DPYSL5: variants seen among roughly 807,000 people sequenced by gnomAD.
The protein encoded by DPYSL5 is dihydropyrimidinase like 5.
In DPYSL5, 9 loss-of-function variants were observed where a neutral mutation model predicts 58.4. That is an observed-to-expected ratio of 0.15 (90% CI 0.09 to 0.27). The LOEUF (loss-of-function observed/expected upper bound fraction) is 0.27, where lower values mean the gene tolerates loss of function less well. Ranked by LOEUF, DPYSL5 falls within the 10% of genes least tolerant of loss-of-function variation. The pLI is 1.00. For synonymous variants in DPYSL5, 293 were observed against 301.9 expected (o/e 0.97, Z 0.31); for missense variants, 499 against 770.6 (o/e 0.65, Z 4.17).
At chr2:26,867,051 CTT>C (rs1306926562) in intron 1 of DPYSL5, among the ~76,000 whole-genome samples, 2 of 152,012 alleles carry the variant, frequency 1.3e-5, no homozygotes, top group South Asian at 2.1e-4. Context: ...TAATGAGACT[CTT>C]TGTCTCATCA....
chr2:26,881,901 C>A (rs1248916070), intron 1 of DPYSL5, among the ~76,000 whole-genome samples: 1 of 151,914 alleles, frequency 6.6e-6, no homozygotes, highest in Admixed American at 6.6e-5. Flanking sequence ...ACCATCCTGG[C>A]TAACACGGTG....
chr2:26,928,658 T>A, intron 5 of DPYSL5, among the ~76,000 whole-genome samples: 1 of 143,512 alleles, frequency 7.0e-6, no homozygotes, highest in Non-Finnish European at 1.5e-5. Context: ...GCCGTGATGA[T>A]GCCACTGCAA....
chr2:26,927,135 C>G lies in DPYSL5; in HGVS notation c.421-118C>G. 1 of 1,082,484 alleles carries G rather than the reference C, an allele frequency of 9.2e-7. No homozygotes were observed. The highest frequency in any genetic ancestry group is 1.3e-6 in the Non-Finnish European group (1 of 764,696). 67.1% of individuals were successfully genotyped at this position (1,082,484 alleles called of 1,614,324 possible). Reference sequence around the variant, plus strand: ...AGTGAGATAGAGAGGTGTGGGGGGTCAACCGACAGACTGAGCTGGGGCAGG... The same window carrying G: ...AGTGAGATAGAGAGGTGTGGGGGGTGAACCGACAGACTGAGCTGGGGCAGG... On this transcript the variant is annotated intron_variant, in intron 3 of 12. Transcript: ENST00000288699. The surrounding 1 kb of genome is among the most constrained non-coding windows in gnomAD (Gnocchi z 4.3).
intron 2 of DPYSL5, among the ~76,000 whole-genome samples, chr2:26,923,519 C>T (rs535338631): frequency 6.6e-6 from 1 of 152,230 alleles, no homozygotes; most frequent in South Asian, 2.1e-4. Flanking sequence ...TTATTCCAAC[C>T]ATGAGGGAGC....
intron 1 of DPYSL5, among the ~76,000 whole-genome samples, chr2:26,852,625 A>G (rs72804803): frequency 5.3e-5 from 8 of 152,310 alleles, no homozygotes; most frequent in Non-Finnish European, 8.8e-5. Context: ...ATCCAGGCTC[A>G]GCGGTAGCGT....
At chr2:26,946,414 G>GTT (rs113861325) in intron 12 of DPYSL5, among the ~76,000 whole-genome samples, 1 of 145,844 alleles carries the variant, frequency 6.9e-6, no homozygotes, top group Admixed American at 6.9e-5. Context: ...GTTTGTTTTT[G>GTT]TTTTTTTTTT....
At position 26,927,423 on chromosome 2, in the gene DPYSL5, T is replaced by G. The variant is rs1664856376; in HGVS notation, c.591T>G (p.Leu197=). The G allele has an allele frequency of 4.3e-6, 7 of 1,613,748 alleles. No homozygotes were observed. The highest frequency in any genetic ancestry group is 5.1e-6 in the Non-Finnish European group (6 of 1,179,876). ...IARVHAENGE[L]VAEGAKEALD... ...GCGTCCATGCTGAAAATGGGGAGCT[T>G]GTGGCCGAGGCAAGTCTGCAGCCAA... The change falls in exon 4 of 13, where the codon CTT becomes CTG. Residue 197 remains leucine, a synonymous_variant. Transcript: ENST00000288699. The surrounding 1 kb of genome is among the most constrained non-coding windows in gnomAD (Gnocchi z 4.3).
Position 26,946,932 on chromosome 2 carries a change from T to C in DPYSL5, c.1632T>C (p.Val544=), listed in dbSNP as rs923259885. Residue 544 remains valine, a synonymous_variant, in exon 13 of 13, where the codon GTT becomes GTC. Coordinates refer to ENST00000288699, the MANE Select transcript of DPYSL5 (RefSeq NM_020134.4). ...SLSGSQIDDH[V]PKRASARILA... is the part of the protein sequence containing the mutation. ...CAGGCTCTCAGATCGATGACCATGT[T>C]CCAAAGCGAGCTTCAGCTCGGATCC... 1.2e-6 allele frequency: 2 copies of C among 1,614,138 alleles called. No homozygotes were observed. The highest frequency in any genetic ancestry group is 1.7e-6 in the Non-Finnish European group (2 of 1,179,960).
chr2:26,898,778 C>A lies in DPYSL5; in HGVS notation c.261+18C>A. On this transcript the variant is annotated intron_variant, in intron 2 of 12. Transcript: ENST00000288699. This position sits in a 1 kb window ranked among gnomAD's most constrained non-coding sequence, Gnocchi z 6.1. ...GGACCAAGGTAATGCTCCTGTTTGC[C>A]AAAGGTGGCTTCCTCTTTGGCTTTT... is the stretch of plus-strand genomic sequence containing the variant. The A allele has an allele frequency of 6.3e-7, 1 of 1,588,686 alleles. No homozygotes were observed. The highest frequency in any genetic ancestry group is 1.1e-5 in the South Asian group (1 of 87,900).
intron 2 of DPYSL5, among the ~76,000 whole-genome samples, chr2:26,914,744 T>C (rs913429824): frequency 6.6e-6 from 1 of 152,100 alleles, no homozygotes; most frequent in African/African-American, 2.4e-5. Flanking sequence ...AATCAGGGCT[T>C]CCTGAACAGA....
rs187800495 is a variant in DPYSL5 at position 26,876,661 on chromosome 2, G to A, written c.-4-21835G>A. 2.4e-3 allele frequency among the ~76,000 whole-genome samples: 372 copies of A among 152,034 alleles called. 3 individuals are homozygous for A. The highest frequency in any genetic ancestry group is 8.6e-3 in the African/African-American group (357 of 41,470). ...CTCCCGAGTACCTGGGAGTACAGGT[G>A]CCTGCCACCACGCCTGGCTAACTTT... On this transcript the variant is annotated intron_variant, in intron 1 of 12. Coordinates refer to ENST00000288699, the MANE Select transcript of DPYSL5 (RefSeq NM_020134.4).
intron 5 of DPYSL5, among the ~76,000 whole-genome samples, chr2:26,928,704 TACACACACAC>T (rs1553320464): frequency 1.9e-3 from 120 of 62,780 alleles, no homozygotes; most frequent in Non-Finnish European, 2.7e-3. Flanking sequence ...TATATATATA[TACACACACAC>T]ACATACATAT....
At chr2:26,916,311 C>T (rs1429922413) in intron 2 of DPYSL5, among the ~76,000 whole-genome samples, 2 of 152,138 alleles carry the variant, frequency 1.3e-5, no homozygotes, top group African/African-American at 4.8e-5. Context: ...CATGTTCTTC[C>T]TCTGCCCAGA....
At position 26,895,972 on chromosome 2, in the gene DPYSL5, G is replaced by T. The variant is rs533363038; in HGVS notation, c.-4-2524G>T. On this transcript the variant is annotated intron_variant, in intron 1 of 12. Coordinates refer to ENST00000288699, the MANE Select transcript of DPYSL5 (RefSeq NM_020134.4). ...TTCTTGTATTTTTAGTAGAGACGGG[G>T]TTTCACTATCTTGGGCAGGCTGGTC... is the stretch of plus-strand genomic sequence containing the variant. Among the ~76,000 whole-genome samples, 12 of 151,726 alleles carry T rather than the reference G, an allele frequency of 7.9e-5. No individual in the cohort carries two copies. The South Asian group carries it at 2.5e-3, about 32-fold the overall frequency.
chr2:26,904,831 A>G (rs1664249017), intron 2 of DPYSL5, among the ~76,000 whole-genome samples: 1 of 152,224 alleles, frequency 6.6e-6, no homozygotes, highest in Non-Finnish European at 1.5e-5. Flanking sequence ...TGAGCCCAGG[A>G]AAGTTGAGGC....
chr2:26,923,876 T>C (rs1003575536), intron 2 of DPYSL5, among the ~76,000 whole-genome samples: 2 of 152,188 alleles, frequency 1.3e-5, no homozygotes, highest in Non-Finnish European at 2.9e-5. Context: ...GCCAGGCTCA[T>C]CTTGAACTCT....
At chr2:26,932,812 G>A (rs1357986992) in intron 6 of DPYSL5, among the ~76,000 whole-genome samples, 1 of 152,174 alleles carries the variant, frequency 6.6e-6, no homozygotes, top group Admixed American at 6.5e-5. Flanking sequence ...CATCTCCAGG[G>A]TGCATTCTGT....
chr2:26,865,312 CTTT>C (rs1192892146), intron 1 of DPYSL5, among the ~76,000 whole-genome samples: 5,580 of 89,554 alleles, frequency 0.062, 341 homozygotes, highest in African/African-American at 0.18. Flanking sequence ...GTTTTGTGTT[CTTT>C]TTTTTTTTTT....
rs1664276162 is a variant in DPYSL5, at chr2:26,905,917, GT to G, written c.261+7158del. 6.6e-6 allele frequency among the ~76,000 whole-genome samples: 1 copy of G among 152,170 alleles called. No homozygotes were observed. Among genetic ancestry groups the G allele is most frequent in the Non-Finnish European group, 1.5e-5 (1 of 68,036 alleles). On this transcript the variant is annotated intron_variant, in intron 2 of 12. Coordinates refer to ENST00000288699, the MANE Select transcript of DPYSL5 (RefSeq NM_020134.4). The surrounding 1 kb of genome is among the most constrained non-coding windows in gnomAD (Gnocchi z 4.0). ...GAGCCTCGCAAGCCGCCATCCAGGTGTCAATGGGCTGCATTCTCATCTGGAG... is the reference window on the plus strand; with the variant it reads ...GAGCCTCGCAAGCCGCCATCCAGGTGCAATGGGCTGCATTCTCATCTGGAG...
Sources: gnomAD v4.1 joint callset for allele counts (sites outside exome capture counted in the v4.1 genomes callset) on GRCh38, gnomAD v4.1.1 for gene constraint, Gnocchi (gnomAD v3.1) non-coding constraint, MANE v1.5 for transcripts, NCBI Gene and HGNC (gene_info 2026-07-23, HGNC 2026-07-21) for gene names.